The following KIAA1549L variants were observed in gnomAD, a reference collection of about 807,000 sequenced individuals.
KIAA1549L encodes the protein UPF0606 protein KIAA1549L.
In KIAA1549L, 88 loss-of-function variants were observed where a neutral mutation model predicts 160.7. The observed-to-expected ratio is 0.55, with a 90% CI of 0.46 to 0.65. The LOEUF (loss-of-function observed/expected upper bound fraction) is 0.65. KIAA1549L is among the 30% of genes least tolerant of loss of function. KIAA1549L has a pLI of 0.00. For synonymous variants in KIAA1549L, 950 were observed against 976.7 expected, an observed-to-expected ratio of 0.97 and a Z score of 0.51; for missense variants, 2,258 against 2,437.5, an observed-to-expected ratio of 0.93 and a Z score of 1.55.
In KIAA1549L at chr11:33,591,200, CT is replaced by C. The variant is rs200969097; in HGVS notation, c.4567-36del. The C allele has an allele frequency of 3.0e-3, 4,556 of 1,533,342 alleles. 85 individuals carry two copies. The highest frequency in any genetic ancestry group is 0.023 in the East Asian group (967 of 42,604). 95.0% of individuals were successfully genotyped at this position (1,533,342 alleles called of 1,614,324 possible). On this transcript the variant is annotated intron_variant, in intron 11 of 20. Transcript: ENST00000658780. ...AAGCCATGGTTAGAGTCACACTTCG[CT>C]AGAAATACGACTGCAAATCTGTTTC...
Position 33,598,834 on chromosome 11 carries a change from A to C in KIAA1549L, c.4766A>C (p.Glu1589Ala). ...GTTACCTCCAGCAGGTCGCCCAGTG[A>C]GAATGGCTCTGTCATCAGCAACGAA... ...TETRKSRSPS[E>A]NGSVISNESG... The change falls in exon 13 of 21, where the codon GAG (glutamate) becomes GCG (alanine). Residue 1589 changes from glutamate to alanine, a missense_variant. By Grantham distance (107) the Glu-to-Ala change is moderately radical. Transcript: ENST00000658780. 1 of 1,613,922 alleles carries C rather than the reference A, an allele frequency of 6.2e-7. No homozygotes were observed. The highest frequency in any genetic ancestry group is 8.5e-7 in the Non-Finnish European group (1 of 1,179,838).
chr11:33,534,409 T>C (rs1853846309), intron 1 of KIAA1549L, among the ~76,000 whole-genome samples: 3 of 152,260 alleles, frequency 2.0e-5, no homozygotes, highest in Non-Finnish European at 4.4e-5. Context: ...CACAATTTTT[T>C]TGAAGACTAT....
chr11:33,388,147 GTA>G (rs2134043031), intron 1 of KIAA1549L, among the ~76,000 whole-genome samples: 1 of 152,304 alleles, frequency 6.6e-6, no homozygotes, highest in East Asian at 1.9e-4. Context: ...CCGAGACTGA[GTA>G]ATTTAGAAAG....
At chr11:33,387,756 C>T (rs1377554988) in intron 1 of KIAA1549L, among the ~76,000 whole-genome samples, 2 of 152,176 alleles carry the variant, frequency 1.3e-5, no homozygotes, top group Non-Finnish European at 2.9e-5. Context: ...TCAGGGCTTT[C>T]GTTTTCTCAT....
In KIAA1549L at chr11:33,607,500, T is replaced by C. The variant is rs150338166; in HGVS notation, c.5061+678T>C. The stretch of plus-strand genomic sequence containing the variant: ...CTTCAGCAGCAGAATGGCCAGTGGA[T>C]TGCAAATGTTTATGAACTTTAAGAA... On this transcript the variant is annotated intron_variant, in intron 14 of 20. Transcript: ENST00000658780. 2.3e-3 allele frequency among the ~76,000 whole-genome samples: 350 copies of C among 152,320 alleles called. 2 individuals carry two copies. The highest frequency in any genetic ancestry group is 7.9e-3 in the African/African-American group (329 of 41,564).
At chr11:33,421,457 A>G (rs1437986054) in intron 1 of KIAA1549L, among the ~76,000 whole-genome samples, 1 of 152,234 alleles carries the variant, frequency 6.6e-6, no homozygotes, top group African/African-American at 2.4e-5. Flanking sequence ...AGCTTGTTAG[A>G]AATGCAGAAT....
intron 13 of KIAA1549L, chr11:33,599,281 A>G (rs1002443186): frequency 6.1e-6 from 1 of 163,642 alleles, no homozygotes; most frequent in Non-Finnish European, 1.3e-5. Context: ...TCTAATTTCT[A>G]ATCACATGAA....
intron 20 of KIAA1549L, among the ~76,000 whole-genome samples, chr11:33,662,919 G>A (rs749042098): frequency 1.3e-5 from 2 of 152,154 alleles, no homozygotes; most frequent in Non-Finnish European, 2.9e-5. Flanking sequence ...CCAGTGTGAA[G>A]GAGAACCAAT....
chr11:33,390,252 AT>A (rs1297720753), intron 1 of KIAA1549L, among the ~76,000 whole-genome samples: 1 of 152,130 alleles, frequency 6.6e-6, no homozygotes, highest in East Asian at 1.9e-4. Flanking sequence ...GCTTCATGAT[AT>A]TGCCCTCCAG....
In KIAA1549L at chr11:33,589,797, A is replaced by C. The variant is rs182200379; in HGVS notation, c.4567-1440A>C. On this transcript the variant is annotated intron_variant, in intron 11 of 20. Coordinates refer to ENST00000658780, the MANE Select transcript of KIAA1549L (RefSeq NM_012194.3). Reference sequence around the variant, plus strand: ...AGGTGGGAGGGATAGCATTAGGAGGATATACCTAATGTTAAATGACAAGTT... The same window carrying C: ...AGGTGGGAGGGATAGCATTAGGAGGCTATACCTAATGTTAAATGACAAGTT... Among the ~76,000 whole-genome samples, 515 of 152,274 alleles carry C rather than the reference A, an allele frequency of 3.4e-3. 2 individuals are homozygous for C. Among genetic ancestry groups the C allele is most frequent in the African/African-American group, 0.012 (505 of 41,554 alleles).
chr11:33,411,371 C>T (rs1291301467), intron 1 of KIAA1549L, among the ~76,000 whole-genome samples: 1 of 152,172 alleles, frequency 6.6e-6, no homozygotes, highest in Non-Finnish European at 1.5e-5. Flanking sequence ...CCACCTGAGA[C>T]AACTGAAGCT....
At chr11:33,630,914 G>A (rs7121371) in intron 16 of KIAA1549L, among the ~76,000 whole-genome samples, 2,836 of 152,264 alleles carry the variant, frequency 0.019, 107 homozygotes, top group African/African-American at 0.063. Flanking sequence ...GTATCAACCC[G>A]TGTGAGGCTC....
At chr11:33,402,816 C>G (rs187315729) in intron 1 of KIAA1549L, among the ~76,000 whole-genome samples, 11 of 151,146 alleles carry the variant, frequency 7.3e-5, no homozygotes, top group Non-Finnish European at 1.5e-4. Flanking sequence ...TGCCACCCCC[C>G]CTAGCTTCCG....
intron 12 of KIAA1549L, among the ~76,000 whole-genome samples, chr11:33,593,275 A>G (rs1198721381): frequency 6.6e-6 from 1 of 152,110 alleles, no homozygotes; most frequent in African/African-American, 2.4e-5. Flanking sequence ...ACAAAATAAA[A>G]TTATATAAAA....
chr11:33,615,011 C>G (rs1323271741), intron 15 of KIAA1549L, among the ~76,000 whole-genome samples: 1 of 152,082 alleles, frequency 6.6e-6, no homozygotes, highest in African/African-American at 2.4e-5. Flanking sequence ...CCACACTTTT[C>G]CAGTGGGCTT....
chr11:33,403,260 GACA>G (rs1850545210), intron 1 of KIAA1549L: 2 of 3,440 alleles, frequency 5.8e-4, no homozygotes, highest in African/African-American at 1.0e-3. Flanking sequence ...CACACACACA[GACA>G]CAGACACACA....
Position 33,589,893 on chromosome 11 carries a change from AACTT to A in KIAA1549L, c.4567-1342_4567-1339del, listed in dbSNP as rs760132023. Among the ~76,000 whole-genome samples, 7 of 152,294 alleles carry A rather than the reference AACTT, an allele frequency of 4.6e-5. No homozygotes were observed. In the East Asian group the frequency reaches 7.7e-4, roughly 17 times the overall value. On this transcript the variant is annotated intron_variant, in intron 11 of 20. Transcript: ENST00000658780. ...TGCATGTTTTGCACATGTACCCTAA[AACTT>A]AAAGTATAATAAAAATTAGCTGCTG...
chr11:33,441,954 G>A (rs1205932361), intron 1 of KIAA1549L, among the ~76,000 whole-genome samples: 1 of 152,162 alleles, frequency 6.6e-6, no homozygotes, highest in Non-Finnish European at 1.5e-5. Flanking sequence ...TTTGGCTTTT[G>A]TTGCCATTGC....
intron 1 of KIAA1549L, among the ~76,000 whole-genome samples, chr11:33,407,229 C>T (rs1437899111): frequency 1.3e-5 from 2 of 150,678 alleles, no homozygotes; most frequent in Admixed American, 1.3e-4. Context: ...GGACTACAGG[C>T]GCCTGCCACC....
Sources: gnomAD v4.1 joint callset for allele counts (sites outside exome capture counted in the v4.1 genomes callset) on GRCh38, gnomAD v4.1.1 for gene constraint, MANE v1.5 for transcripts, NCBI Gene and HGNC (gene_info 2026-07-23, HGNC 2026-07-21) for gene names.